The following RPRD1A variants were observed in gnomAD, a reference collection of about 807,000 sequenced individuals.
RPRD1A encodes the protein regulation of nuclear pre-mRNA domain-containing protein 1A.
A neutral mutation model predicts 37.8 loss-of-function variants in RPRD1A; 9 were observed. The observed-to-expected ratio is 0.24, with a 90% CI of 0.14 to 0.42. The LOEUF is 0.42. Ranked by LOEUF, RPRD1A falls within the 10% of genes least tolerant of loss-of-function variation. The pLI, the probability that RPRD1A is intolerant of heterozygous loss-of-function variation, is 1.00. For missense variants in RPRD1A, 255 were observed against 371.0 expected, an observed-to-expected ratio of 0.69 and a Z score of 2.57; for synonymous variants, 138 against 139.7, an observed-to-expected ratio of 0.99 and a Z score of 0.08.
chr18:36,035,161 C>T (rs1912101234), intron 1 of RPRD1A, among the ~76,000 whole-genome samples: 1 of 152,120 alleles, frequency 6.6e-6, no homozygotes, highest in South Asian at 2.1e-4. Flanking sequence ...TCTTTTGTAC[C>T]CATCCTTGCC....
At chr18:36,002,808 G>A (rs1345409821) in intron 6 of RPRD1A, among the ~76,000 whole-genome samples, 1 of 152,158 alleles carries the variant, frequency 6.6e-6, no homozygotes, top group East Asian at 1.9e-4. Context: ...TCAGGTAATA[G>A]TGAGGTAAAC....
rs1305341098 is a variant in RPRD1A, at chr18:35,992,535, T to C, written c.*616A>G. 6.6e-6 allele frequency: 1 copy of C among 152,186 alleles called. No homozygotes were observed. The highest frequency in any genetic ancestry group is 1.5e-5 in the Non-Finnish European group (1 of 68,030). 9.4% of individuals were successfully genotyped at this position (152,186 alleles called of 1,614,324 possible). ...TACACTGGCAGTTGGAATGGAACTT[T>C]TACAATGCTATTAAGGAACAGTTCT... On this transcript the variant is annotated 3_prime_UTR_variant, in exon 7 of 7. Coordinates refer to ENST00000399022, the MANE Select transcript of RPRD1A (RefSeq NM_018170.5).
intron 6 of RPRD1A, among the ~76,000 whole-genome samples, chr18:36,024,277 G>C (rs1326890094): frequency 1.3e-5 from 2 of 149,536 alleles, no homozygotes; most frequent in African/African-American, 2.5e-5. Context: ...CTCCCAAGTA[G>C]CTGGGACTAC....
intron 6 of RPRD1A, 78 bp from the exon 7 acceptor site, chr18:35,993,378 G>A: frequency 1.4e-6 from 2 of 1,443,120 alleles, no homozygotes; most frequent in Non-Finnish European, 1.9e-6. Flanking sequence ...CATAAACCCA[G>A]GTACTATATA....
intron 1 of RPRD1A, among the ~76,000 whole-genome samples, chr18:36,043,709 T>C (rs1912760939): frequency 6.6e-6 from 1 of 151,450 alleles, no homozygotes; most frequent in Non-Finnish European, 1.5e-5. Context: ...TTGAAAGAAA[T>C]AATATTGACT....
intron 1 of RPRD1A, among the ~76,000 whole-genome samples, chr18:36,062,069 G>A (rs1314080013): frequency 1.3e-5 from 2 of 152,038 alleles, no homozygotes; most frequent in Non-Finnish European, 2.9e-5. Context: ...TGTAATCCCA[G>A]CACTTTGGGA....
chr18:36,026,723 T>C (rs920506002), intron 6 of RPRD1A, 177 bp downstream of exon 6: 7 of 466,102 alleles, frequency 1.5e-5, no homozygotes, highest in Admixed American at 1.1e-4. Context: ...ACTTGCAAGA[T>C]TAATTTGGTT....
chr18:36,034,863 C>G (rs1164873199), intron 1 of RPRD1A, among the ~76,000 whole-genome samples: 1 of 152,158 alleles, frequency 6.6e-6, no homozygotes, highest in African/African-American at 2.4e-5. Context: ...CCTCTGAGTT[C>G]ACATCATTCT....
At position 35,989,903 on chromosome 18, in the gene RPRD1A, C is replaced by T. The variant is rs889528387; in HGVS notation, c.*3248G>A. Reference sequence around the variant, plus strand: ...ATACAGCCAAAGAAGAACGGGTAAACAAACAGGGAAAGTTCATCTTCCCAT... The same window carrying T: ...ATACAGCCAAAGAAGAACGGGTAAATAAACAGGGAAAGTTCATCTTCCCAT... On this transcript the variant is annotated 3_prime_UTR_variant, in exon 7 of 7. Coordinates refer to ENST00000399022, the MANE Select transcript of RPRD1A (RefSeq NM_018170.5). The T allele has an allele frequency of 2.6e-5, 4 of 152,190 alleles. No homozygotes were observed. Among genetic ancestry groups the T allele is most frequent in the Non-Finnish European group, 5.9e-5 (4 of 68,030 alleles). 9.4% of individuals were successfully genotyped at this position (152,190 alleles called of 1,614,324 possible).
chr18:36,064,041 T>TA (rs1261683631), intron 1 of RPRD1A: 1 of 152,272 alleles, frequency 6.6e-6, no homozygotes, highest in Non-Finnish European at 1.5e-5. Flanking sequence ...ACCATTTTCT[T>TA]AAATACATTA....
chr18:36,061,324 T>C (rs994172050), intron 1 of RPRD1A, among the ~76,000 whole-genome samples: 1 of 152,184 alleles, frequency 6.6e-6, no homozygotes, highest in African/African-American at 2.4e-5. Flanking sequence ...AATCAATAAA[T>C]ACAGGGTGAG....
chr18:36,060,214 G>A (rs192102924), intron 1 of RPRD1A, among the ~76,000 whole-genome samples: 186 of 152,166 alleles, frequency 1.2e-3, no homozygotes, highest in African/African-American at 3.2e-3. Context: ...GGCGGATCAC[G>A]AGGTCAGGAG....
intron 1 of RPRD1A, among the ~76,000 whole-genome samples, chr18:36,061,896 T>C (rs867314588): frequency 1.7e-4 from 26 of 152,206 alleles, no homozygotes; most frequent in Non-Finnish European, 2.5e-4. Flanking sequence ...ATTAGTCATC[T>C]GGGAAATGCA....
chr18:36,005,160 G>A (rs866538823), intron 6 of RPRD1A, among the ~76,000 whole-genome samples: 4 of 152,092 alleles, frequency 2.6e-5, no homozygotes, highest in African/African-American at 9.7e-5. Context: ...AATTCTCTGG[G>A]CGTGGTGGCG....
At chr18:36,031,151 T>C in intron 2 of RPRD1A, 54 bp from the exon 3 acceptor site, 1 of 1,458,602 alleles carries the variant, frequency 6.9e-7, no homozygotes, top group African/African-American at 1.4e-5. Context: ...CAATGCATAG[T>C]GTTATTGAAA....
In RPRD1A at chr18:36,058,595, T is replaced by C. The variant is rs114308758; in HGVS notation, c.151+8659A>G. Among the ~76,000 whole-genome samples the C allele has an allele frequency of 3.4e-3, 521 of 152,260 alleles. 1 individual carries two copies. The highest frequency in any genetic ancestry group is 0.012 in the African/African-American group (508 of 41,534). On this transcript the variant is annotated intron_variant, in intron 1 of 6. Coordinates refer to ENST00000399022, the MANE Select transcript of RPRD1A (RefSeq NM_018170.5). ...TTACGTTACGGGCCAAAGGGAAATT[T>C]TATAAATTCAGTTTCTGCTTTTCTG...
chr18:36,015,482 G>A (rs1268677622), intron 6 of RPRD1A, among the ~76,000 whole-genome samples: 2 of 152,106 alleles, frequency 1.3e-5, no homozygotes, highest in East Asian at 1.9e-4. Context: ...GATTACAGGC[G>A]TGAGCCACCA....
chr18:36,050,709 G>GT (rs1431339033), intron 1 of RPRD1A, among the ~76,000 whole-genome samples: 17 of 141,132 alleles, frequency 1.2e-4, no homozygotes. Flanking sequence ...GCTAATTTTT[G>GT]TATTTTTTTT....
rs575871571 is a variant in RPRD1A, at chr18:36,029,967, A to G, written c.486+841T>C. Among the ~76,000 whole-genome samples the G allele has an allele frequency of 7.0e-3, 1,054 of 151,528 alleles. 14 individuals are homozygous for G. Among genetic ancestry groups the G allele is most frequent in the Non-Finnish European group, 5.9e-3 (399 of 67,842 alleles). ...ACTACAGGCGCCCGCCACCACGCCC[A>G]GCTAATTTTTTGTATTTTTTAGTAG... On this transcript the variant is annotated intron_variant, in intron 4 of 6. Coordinates refer to ENST00000399022, the MANE Select transcript of RPRD1A (RefSeq NM_018170.5).
Sources: gnomAD v4.1 joint callset for allele counts (sites outside exome capture counted in the v4.1 genomes callset) on GRCh38, gnomAD v4.1.1 for gene constraint, MANE v1.5 for transcripts, NCBI Gene and HGNC (gene_info 2026-07-23, HGNC 2026-07-21) for gene names.